Variants in TXLNB observed in about 807,000 individuals in gnomAD.
The protein encoded by TXLNB is beta-taxilin.
In TXLNB, 37 loss-of-function variants were observed where a neutral mutation model predicts 57.4. The ratio of observed to expected loss-of-function variants is 0.64; its 90% CI spans 0.50 to 0.85. The LOEUF (loss-of-function observed/expected upper bound fraction) is 0.85. Among genes scored for constraint, TXLNB ranks in the 40% least tolerant of loss-of-function variants. The pLI is 0.00. For missense variants in TXLNB, 848 were observed against 825.6 expected (o/e 1.03, Z -0.33); for synonymous variants, 302 against 309.6 (o/e 0.98, Z 0.26).
the TXLNB span, chr6:139,179,515 G>A: frequency 6.6e-5 from 10 of 152,110 alleles, no homozygotes; most frequent in African/African-American, 1.9e-4. Flanking sequence ...ACATTATTTC[G>A]ATGCTAAAGT....
the TXLNB span, among the ~76,000 whole-genome samples, chr6:139,208,933 T>C: frequency 1.3e-5 from 2 of 152,172 alleles, no homozygotes; most frequent in Non-Finnish European, 2.9e-5. Context: ...CTGGAAGTCC[T>C]AGCCATAGCA....
chr6:139,197,488 G>C, the TXLNB span, among the ~76,000 whole-genome samples: 1 of 152,152 alleles, frequency 6.6e-6, no homozygotes. Context: ...TTGGAGGTAT[G>C]ATACATTACA....
the TXLNB span, among the ~76,000 whole-genome samples, chr6:139,207,601 A>T: frequency 6.6e-6 from 1 of 152,172 alleles, no homozygotes; most frequent in Non-Finnish European, 1.5e-5. Context: ...AACTAAATAC[A>T]AGCCCAGCAG....
the TXLNB span, among the ~76,000 whole-genome samples, chr6:139,228,966 C>A: frequency 6.6e-6 from 1 of 152,166 alleles, no homozygotes; most frequent in Non-Finnish European, 1.5e-5. Flanking sequence ...AGGCCCGTCT[C>A]CTGAGGCCAG....
chr6:139,299,867 A>T, the TXLNB span, among the ~76,000 whole-genome samples: 1 of 152,156 alleles, frequency 6.6e-6, no homozygotes, highest in African/African-American at 2.4e-5. Flanking sequence ...ACTACTTGCC[A>T]ATAGTTAAGT....
intron 3 of TXLNB, among the ~76,000 whole-genome samples, chr6:139,276,179 G>A (rs1776890344): frequency 6.6e-6 from 1 of 152,174 alleles, no homozygotes; most frequent in African/African-American, 2.4e-5. Context: ...ATCCAACAGA[G>A]TTGATGCACA....
chr6:139,217,727 G>A, the TXLNB span, among the ~76,000 whole-genome samples: 1 of 151,842 alleles, frequency 6.6e-6, no homozygotes, highest in Non-Finnish European at 1.5e-5. Context: ...AAATTAGCCG[G>A]GCACGGTGGC....
At chr6:139,168,365 C>T in the TXLNB span, among the ~76,000 whole-genome samples, 1 of 150,900 alleles carries the variant, frequency 6.6e-6, no homozygotes, top group Non-Finnish European at 1.5e-5. Context: ...TATATAGTAC[C>T]ATATAGTCTA....
chr6:139,289,759 T>C (rs1777264263), intron 1 of TXLNB, among the ~76,000 whole-genome samples: 1 of 152,198 alleles, frequency 6.6e-6, no homozygotes, highest in Non-Finnish European at 1.5e-5. Flanking sequence ...TCACTGGGGG[T>C]ACATGACTGT....
chr6:139,239,315 A>G (rs1251435888), downstream of TXLNB: 2 of 152,080 alleles, frequency 1.3e-5, no homozygotes, highest in Non-Finnish European at 2.9e-5. The surrounding 1 kb of genome is among the most constrained non-coding windows in gnomAD (Gnocchi z 4.7). Context: ...CTCCAGGAGG[A>G]CGCACGGCAG....
At chr6:139,277,692 AT>A (rs1209050111) in intron 2 of TXLNB, among the ~76,000 whole-genome samples, 2 of 151,992 alleles carry the variant, frequency 1.3e-5, no homozygotes, top group Non-Finnish European at 2.9e-5. Flanking sequence ...TGGCAGTTTC[AT>A]TTTGTTTCCA....
chr6:139,318,105 TA>T, the TXLNB span, among the ~76,000 whole-genome samples: 3 of 151,294 alleles, frequency 2.0e-5, no homozygotes, highest in Admixed American at 6.6e-5. Context: ...CCGTCCCTAC[TA>T]AAAAATACAA....
At chr6:139,160,065 G>A in the TXLNB span, among the ~76,000 whole-genome samples, 1 of 152,136 alleles carries the variant, frequency 6.6e-6, no homozygotes, top group East Asian at 1.9e-4. Context: ...AGAAAGCTGG[G>A]GAGACAGGAT....
the TXLNB span, among the ~76,000 whole-genome samples, chr6:139,227,492 A>C: frequency 6.6e-6 from 1 of 152,232 alleles, no homozygotes; most frequent in Non-Finnish European, 1.5e-5. Context: ...TATTGTTACA[A>C]TCTATTTGGA....
chr6:139,249,632 G>A (rs1776147072), intron 7 of TXLNB, among the ~76,000 whole-genome samples: 1 of 152,044 alleles, frequency 6.6e-6, no homozygotes, highest in African/African-American at 2.4e-5. Context: ...GGTGTGAGAG[G>A]GAGTATGTAT....
the TXLNB span, among the ~76,000 whole-genome samples, chr6:139,317,140 A>C: frequency 7.9e-5 from 12 of 152,172 alleles, no homozygotes; most frequent in African/African-American, 2.9e-4. Flanking sequence ...ACAAAAATTG[A>C]GTTCAGACAT....
chr6:139,274,312 T>C (rs570688581), intron 3 of TXLNB, among the ~76,000 whole-genome samples: 4 of 152,242 alleles, frequency 2.6e-5, no homozygotes, highest in African/African-American at 7.2e-5. Flanking sequence ...ATTTATTCTA[T>C]GTGAACACTT....
rs995474710 is a variant in TXLNB, at chr6:139,270,487, C to T, written c.656G>A (p.Arg219Gln). Reference protein sequence around the residue: ...LARSKLESLCRELQRHNKTLK... With the variant: ...LARSKLESLCQELQRHNKTLK... ...AGTCTTGTTGTGTCTCTGCAGCTCC[C>T]GGCACAGACTCTCCAATTTGCTTCG... The change falls in exon 4 of 10, where the codon CGG becomes CAG. Residue 219 changes from arginine to glutamine, a missense_variant. Coordinates refer to ENST00000358430, the MANE Select transcript of TXLNB (RefSeq NM_153235.4). The T allele has an allele frequency of 9.9e-6, 16 of 1,613,986 alleles. No homozygotes were observed. The highest frequency in any genetic ancestry group is 4.5e-5 in the East Asian group (2 of 44,898).
chr6:139,256,573 C>T (rs887099370), intron 6 of TXLNB, among the ~76,000 whole-genome samples: 10 of 152,238 alleles, frequency 6.6e-5, no homozygotes, highest in Admixed American at 3.3e-4. Context: ...CGTGATCTGC[C>T]CGCCTCGGCC....
Sources: gnomAD v4.1 joint callset for allele counts (sites outside exome capture counted in the v4.1 genomes callset) on GRCh38, gnomAD v4.1.1 for gene constraint, Gnocchi (gnomAD v3.1) non-coding constraint, MANE v1.5 for transcripts, NCBI Gene and HGNC (gene_info 2026-07-23, HGNC 2026-07-21) for gene names.